MGAM: variants seen among roughly 807,000 people sequenced by gnomAD.
The protein encoded by MGAM is maltase-glucoamylase.
A neutral mutation model predicts 358.8 loss-of-function variants in MGAM; 253 were observed. The observed-to-expected ratio is 0.71, with a 90% CI of 0.64 to 0.78. The LOEUF is 0.78. Ranked by LOEUF, MGAM falls within the 30% of genes least tolerant of loss-of-function variation. The pLI, the probability that MGAM is intolerant of heterozygous loss-of-function variation, is 0.00. For missense variants in MGAM, 3,080 were observed against 3,432.6 expected, an observed-to-expected ratio of 0.90 and a Z score of 2.57; for synonymous variants, 1,105 against 1,227.1, an observed-to-expected ratio of 0.90 and a Z score of 2.08.
chr7:142,056,611 T>C (rs944012368), intron 29 of MGAM, among the ~76,000 whole-genome samples: 2 of 152,150 alleles, frequency 1.3e-5, no homozygotes, highest in African/African-American at 4.8e-5. Context: ...AAGAGTAGAA[T>C]GATAAAATAT....
chr7:142,073,985 TA>T, intron 44 of MGAM, 99 bp from the exon 45 acceptor site: 1 of 848,412 alleles, frequency 1.2e-6, no homozygotes, highest in African/African-American at 1.6e-5. Context: ...CATCTGCTGC[TA>T]GTATCTTTTC....
At chr7:141,988,970 A>C (rs577814159) in intron 2 of MGAM, among the ~76,000 whole-genome samples, 1 of 152,312 alleles carries the variant, frequency 6.6e-6, no homozygotes, top group South Asian at 2.1e-4. Flanking sequence ...ATGGGACAAA[A>C]GAAGGAAAAC....
intron 3 of MGAM, among the ~76,000 whole-genome samples, chr7:142,018,318 C>G (rs782116110): frequency 6.6e-5 from 10 of 152,310 alleles, no homozygotes; most frequent in Non-Finnish European, 8.8e-5. Context: ...TCCCTCAGTT[C>G]CTTACCATGT....
intron 28 of MGAM, 91 bp from the exon 29 acceptor site, chr7:142,055,909 A>G: frequency 2.7e-6 from 4 of 1,467,354 alleles, no homozygotes; most frequent in South Asian, 1.2e-5. Flanking sequence ...GGAGAAAACT[A>G]GAGCCATGTT....
At chr7:142,014,294 C>G (rs10232224) in intron 3 of MGAM, among the ~76,000 whole-genome samples, 74,422 of 151,894 alleles carry the variant, frequency 0.49, 18,628 homozygotes, top group East Asian at 0.68. Context: ...TTTTCAGTCT[C>G]TGTTTTTATA....
At chr7:142,025,824 T>A (rs1554460746) in intron 8 of MGAM, among the ~76,000 whole-genome samples, 1 of 152,158 alleles carries the variant, frequency 6.6e-6, no homozygotes, top group East Asian at 1.9e-4. Context: ...ACCACAGATA[T>A]CCGAGAAGCA....
In MGAM at chr7:142,076,194, C is replaced by T. The variant is rs572461144; in HGVS notation, c.5276-9C>T. ...GCCGGAGTCTGACTTGTCTTTCTGT[C>T]ACTTTCAGATACTGTGGCCAAGAAA... On this transcript the variant is annotated splice_polypyrimidine_tract_variant and intron_variant, in intron 45 of 70. Coordinates refer to ENST00000475668, the MANE Select transcript of MGAM (RefSeq NM_001365693.1). 1.3e-6 allele frequency: 2 copies of T among 1,541,396 alleles called. No homozygotes were observed. The highest frequency in any genetic ancestry group is 1.3e-5 in the African/African-American group (1 of 74,660).
At chr7:142,032,599 C>T (rs1554464187) in intron 13 of MGAM, among the ~76,000 whole-genome samples, 1 of 152,060 alleles carries the variant, frequency 6.6e-6, no homozygotes, top group Non-Finnish European at 1.5e-5. Context: ...GGGAATTGTT[C>T]ATTTTCAGCG....
chr7:142,066,826 T>C (rs1812806544), intron 41 of MGAM, 105 bp downstream of exon 41: 8 of 1,314,680 alleles, frequency 6.1e-6, no homozygotes. Flanking sequence ...ATGATGGCCT[T>C]TTGACATGAG....
At chr7:142,056,427 G>T (rs116890058) in intron 29 of MGAM, among the ~76,000 whole-genome samples, 1 of 151,546 alleles carries the variant, frequency 6.6e-6, no homozygotes. Flanking sequence ...TAGTCTGGGG[G>T]TATTGAGGGT....
chr7:142,026,847 T>A (rs1807020419), intron 8 of MGAM, among the ~76,000 whole-genome samples: 1 of 152,136 alleles, frequency 6.6e-6, no homozygotes, highest in Non-Finnish European at 1.5e-5. Context: ...CTGGCTGCTT[T>A]TTCCCCAGAA....
At chr7:142,041,940 A>C (rs1406808740) in intron 21 of MGAM, among the ~76,000 whole-genome samples, 1 of 15,878 alleles carries the variant, frequency 6.3e-5, no homozygotes, top group African/African-American at 1.9e-4. Context: ...TATATATATT[A>C]TATATATACA....
intron 42 of MGAM, among the ~76,000 whole-genome samples, chr7:142,068,149 G>T (rs1813007107): frequency 4.5e-5 from 4 of 89,366 alleles, no homozygotes; most frequent in African/African-American, 1.3e-4. Flanking sequence ...ACCATTCCCG[G>T]CTAATTTTTT....
upstream of MGAM, among the ~76,000 whole-genome samples, chr7:141,994,881 C>T (rs1001542627): frequency 7.2e-5 from 11 of 152,148 alleles, no homozygotes; most frequent in African/African-American, 2.2e-4. Context: ...ACTGAGTCAA[C>T]GAAACCTCTT....
intron 3 of MGAM, among the ~76,000 whole-genome samples, chr7:142,013,522 G>A (rs1482292648): frequency 5.3e-5 from 8 of 151,990 alleles, no homozygotes; most frequent in East Asian, 1.9e-4. Flanking sequence ...ATTTCAAGGC[G>A]CCTGTAATCT....
In MGAM at chr7:142,041,895, A is replaced by G. The variant is rs188422660; in HGVS notation, c.2498+1049A>G. ...TATTATATATATACGTATAATATATAATATATATATTATATATATACGTAT... is the reference window on the plus strand; with the variant it reads ...TATTATATATATACGTATAATATATGATATATATATTATATATATACGTAT... On this transcript the variant is annotated intron_variant, in intron 21 of 70. Coordinates refer to ENST00000475668, the MANE Select transcript of MGAM (RefSeq NM_001365693.1). 3.4e-3 allele frequency among the ~76,000 whole-genome samples: 133 copies of G among 39,660 alleles called. 5 individuals are homozygous for G. The highest frequency in any genetic ancestry group is 0.018 in the African/African-American group (123 of 7,004). 26.0% of individuals were successfully genotyped at this position (39,660 alleles called of 152,430 possible).
chr7:142,083,173 G>A, intron 52 of MGAM, 128 bp from the exon 53 acceptor site: 1 of 715,940 alleles, frequency 1.4e-6, no homozygotes, highest in Non-Finnish European at 2.2e-6. Context: ...ATGTGATTAT[G>A]ATAGAAAATA....
At chr7:142,022,480 T>C in intron 7 of MGAM, 41 bp downstream of exon 7, 2 of 1,585,062 alleles carry the variant, frequency 1.3e-6, no homozygotes, top group Non-Finnish European at 8.6e-7. Context: ...AATATCATAG[T>C]CTCATTCTTA....
At position 142,073,963 on chromosome 7, in the gene MGAM, A is replaced by G. The variant is rs1432526055; in HGVS notation, c.5187-122A>G. The G allele has an allele frequency of 6.7e-6, 5 of 742,060 alleles. No individual in the cohort carries two copies. The East Asian group carries it at 1.1e-4, about 17-fold the overall frequency. The allele number at this position is 742,060 out of a possible 1,614,324, so 46.0% of individuals were successfully genotyped here. ...TCTGTCGATTTTGTGTTTGTACCTC[A>G]AGAAACAGAACCATCTGCTGCTAGT... On this transcript the variant is annotated intron_variant, in intron 44 of 70. Transcript: ENST00000475668.
Sources: allele counts gnomAD v4.1 joint callset (sites outside exome capture counted in the v4.1 genomes callset), GRCh38; gene constraint gnomAD v4.1.1; transcripts MANE v1.5; gene names NCBI Gene and HGNC (gene_info 2026-07-23, HGNC 2026-07-21).